Variants in EPM2A observed in about 807,000 individuals in gnomAD.
EPM2A encodes the protein EPM2A glucan phosphatase, laforin, also known as laforin.
Under a neutral mutation model 26.5 loss-of-function variants are expected in EPM2A, and 21 were observed. The ratio of observed to expected loss-of-function variants is 0.79; its 90% CI spans 0.56 to 1.14. The LOEUF (loss-of-function observed/expected upper bound fraction) is 1.14, where lower values mean the gene tolerates loss of function less well. EPM2A is among the 50% of genes most tolerant of loss of function. EPM2A has a pLI of 0.00. For synonymous variants in EPM2A, 217 were observed against 177.6 expected (o/e 1.22, Z -1.76); for missense variants, 458 against 440.8 (o/e 1.04, Z -0.35).
intron 2 of EPM2A, among the ~76,000 whole-genome samples, chr6:145,536,737 C>G (rs1057158153): frequency 2.0e-5 from 3 of 152,240 alleles, no homozygotes; most frequent in Non-Finnish European, 4.4e-5. Context: ...CATCCACACT[C>G]AGCCCCTTTG....
At chr6:145,639,530 A>ATGGTG (rs1776934588) in intron 2 of EPM2A, 1 of 152,324 alleles carries the variant, frequency 6.6e-6, no homozygotes, top group South Asian at 2.1e-4. Context: ...TTGGACCACC[A>ATGGTG]GTCCAAGGTC....
intron 2 of EPM2A, among the ~76,000 whole-genome samples, chr6:145,561,868 G>A (rs1780809401): frequency 6.6e-6 from 1 of 152,072 alleles, no homozygotes; most frequent in South Asian, 2.1e-4. Context: ...CATGGACACA[G>A]GAAGGGCAAC....
chr6:145,413,982 T>C (rs1582736491), intron 4 of EPM2A, among the ~76,000 whole-genome samples: 1 of 152,150 alleles, frequency 6.6e-6, no homozygotes, highest in Non-Finnish European at 1.5e-5. Flanking sequence ...TAGAGATGGA[T>C]TGAGTGGGAG....
intron 2 of EPM2A, among the ~76,000 whole-genome samples, chr6:145,612,079 C>A (rs1282376687): frequency 1.3e-5 from 2 of 152,078 alleles, no homozygotes; most frequent in Admixed American, 6.5e-5. Flanking sequence ...TCTTAATTTC[C>A]AAATGATAGA....
intron 4 of EPM2A, among the ~76,000 whole-genome samples, chr6:145,385,631 A>C (rs1446990606): frequency 6.6e-6 from 1 of 152,220 alleles, no homozygotes; most frequent in East Asian, 1.9e-4. Context: ...TTCCAGGCAA[A>C]AATTGGACAT....
downstream of EPM2A, among the ~76,000 whole-genome samples, chr6:145,497,639 A>G (rs1779838573): frequency 6.7e-6 from 1 of 148,806 alleles, no homozygotes; most frequent in Admixed American, 6.7e-5. Flanking sequence ...AGACCGGAAC[A>G]GCTAAGTTGC....
intron 4 of EPM2A, among the ~76,000 whole-genome samples, chr6:145,443,809 C>T (rs1040412074): frequency 2.0e-5 from 3 of 152,056 alleles, no homozygotes; most frequent in South Asian, 4.2e-4. Flanking sequence ...CATGGTGTCT[C>T]GTGATAGCAA....
At chr6:145,690,051 T>A (rs555745560) in intron 1 of EPM2A, among the ~76,000 whole-genome samples, 2 of 152,132 alleles carry the variant, frequency 1.3e-5, no homozygotes, top group South Asian at 4.1e-4. Flanking sequence ...GAGCTATCAA[T>A]GGAGGCCTAA....
At chr6:145,470,008 A>T (rs1208449167) in intron 4 of EPM2A, among the ~76,000 whole-genome samples, 1 of 152,082 alleles carries the variant, frequency 6.6e-6, no homozygotes, top group East Asian at 1.9e-4. Flanking sequence ...TAGAACTATG[A>T]TTCCCAGAGG....
downstream of EPM2A, among the ~76,000 whole-genome samples, chr6:145,500,870 T>C (rs1364957415): frequency 6.6e-6 from 1 of 152,116 alleles, no homozygotes; most frequent in Non-Finnish European, 1.5e-5. Flanking sequence ...TTCTAGCAAA[T>C]GTCCTCAGGT....
At chr6:145,671,463 T>G (rs2128599564) in intron 2 of EPM2A, 1 of 816,568 alleles carries the variant, frequency 1.2e-6, no homozygotes, top group Non-Finnish European at 1.5e-6. Flanking sequence ...GTTGGCAAAA[T>G]GTGATATAAG....
At chr6:145,621,538 T>A (rs1775633622), downstream of EPM2A, among the ~76,000 whole-genome samples, 1 of 152,202 alleles carries the variant, frequency 6.6e-6, no homozygotes, top group Non-Finnish European at 1.5e-5. Context: ...ACGGCTGTAC[T>A]GATTTACATT....
chr6:145,681,742 A>G (rs1184948258), intron 2 of EPM2A, among the ~76,000 whole-genome samples: 1 of 152,064 alleles, frequency 6.6e-6, no homozygotes, highest in Non-Finnish European at 1.5e-5. Flanking sequence ...GTTCTGTTCC[A>G]TTGATCTATC....
intron 2 of EPM2A, among the ~76,000 whole-genome samples, chr6:145,518,595 CAAAAAAAAAAAA>C (rs55802475): frequency 2.9e-5 from 3 of 102,672 alleles, no homozygotes; most frequent in South Asian, 2.7e-4. Context: ...TGAAATGCAC[CAAAAAAAAAAAA>C]AAAAAAAAAA....
intron 4 of EPM2A, among the ~76,000 whole-genome samples, chr6:145,488,518 TGTGTGAGA>T (rs1043741263): frequency 6.9e-5 from 9 of 131,078 alleles, no homozygotes; most frequent in African/African-American, 1.0e-4. Context: ...TGTGTGTGTG[TGTGTGAGA>T]GAGAGAGAGA....
intron 4 of EPM2A, among the ~76,000 whole-genome samples, chr6:145,387,701 A>G (rs1332642300): frequency 6.6e-6 from 1 of 152,152 alleles, no homozygotes; most frequent in Non-Finnish European, 1.5e-5. Context: ...AAAAAGAAAA[A>G]ATCAAAATTA....
intron 4 of EPM2A, among the ~76,000 whole-genome samples, chr6:145,437,838 C>T (rs1316816605): frequency 6.6e-6 from 1 of 152,160 alleles, no homozygotes; most frequent in African/African-American, 2.4e-5. Flanking sequence ...AGGTGACATG[C>T]TTTGTACATC....
chr6:145,629,476 C>T (rs934560375), intron 3 of EPM2A: 4 of 152,244 alleles, frequency 2.6e-5, no homozygotes, highest in African/African-American at 7.2e-5. Flanking sequence ...TGTGTGACAG[C>T]AAGATGTCTC....
At chr6:145,414,507 A>G (rs1778682714) in intron 4 of EPM2A, among the ~76,000 whole-genome samples, 1 of 151,822 alleles carries the variant, frequency 6.6e-6, no homozygotes, top group Non-Finnish European at 1.5e-5. Context: ...ATATCTCTAG[A>G]TTTTTCCCCG....
Sources: gnomAD v4.1 joint callset for allele counts (sites outside exome capture counted in the v4.1 genomes callset) on GRCh38, gnomAD v4.1.1 for gene constraint, MANE v1.5 for transcripts, NCBI Gene and HGNC (gene_info 2026-07-23, HGNC 2026-07-21) for gene names.